WFDC3: variants seen among roughly 807,000 people sequenced by gnomAD.
WFDC3 encodes the protein WAP four-disulfide core domain 3.
In WFDC3, 15 loss-of-function variants were observed where a neutral mutation model predicts 25.8. The ratio of observed to expected loss-of-function variants is 0.58; its 90% CI spans 0.39 to 0.89. The LOEUF is 0.89. WFDC3 is among the 40% of genes least tolerant of loss of function. The pLI is 0.00. For missense variants in WFDC3, 264 were observed against 289.8 expected (o/e 0.91, Z 0.65); for synonymous variants, 103 against 107.1 (o/e 0.96, Z 0.24).
chr20:45,778,075 A>G (rs979126945), intron 4 of WFDC3, among the ~76,000 whole-genome samples: 1 of 152,170 alleles, frequency 6.6e-6, no homozygotes, highest in African/African-American at 2.4e-5. Context: ...GGACATTAGC[A>G]AATGTAATGT....
intron 6 of WFDC3, 117 bp from the exon 7 acceptor site, chr20:45,774,561 G>A: frequency 1.5e-6 from 2 of 1,353,590 alleles, no homozygotes; most frequent in South Asian, 1.2e-5. Flanking sequence ...GTCTTAAATA[G>A]CTCCTTGCTT....
Position 45,774,399 on chromosome 20 carries a change from C to T in WFDC3, c.*29G>A. On this transcript the variant is annotated 3_prime_UTR_variant, in exon 7 of 7. Coordinates refer to ENST00000243938, the MANE Select transcript of WFDC3 (RefSeq NM_080614.2). ...CTGCCAGGAAAAGCTTCCAGAATTA[C>T]CAAAGAAGCTCCAGACAAATCAGCA... 1 of 1,614,108 alleles carries T rather than the reference C, an allele frequency of 6.2e-7. No individual in the cohort carries two copies. Among genetic ancestry groups the T allele is most frequent in the Non-Finnish European group, 8.5e-7 (1 of 1,180,018 alleles).
chr20:45,787,581 A>G (rs1980742425), intron 4 of WFDC3, among the ~76,000 whole-genome samples: 1 of 151,916 alleles, frequency 6.6e-6, no homozygotes, highest in Admixed American at 6.6e-5. Flanking sequence ...ATGAGCCACC[A>G]CACCTGGCTA....
At position 45,790,495 on chromosome 20, in the gene WFDC3, C is replaced by T. The variant is rs184597899; in HGVS notation, c.-7-513G>A. ...TCAGAAACTATCAAATAGGCCAAGG[C>T]GGGCAGATCACCTGAGGTCAGGAGT... is the stretch of plus-strand genomic sequence containing the variant. On this transcript the variant is annotated intron_variant, in intron 1 of 6. Transcript: ENST00000243938. Among the ~76,000 whole-genome samples the T allele has an allele frequency of 3.3e-5, 5 of 152,296 alleles. 1 individual carries two copies. Among genetic ancestry groups the T allele is most frequent in the Admixed American group, 1.3e-4 (2 of 15,298 alleles).
At chr20:45,787,093 CAA>C (rs71181858) in intron 4 of WFDC3, among the ~76,000 whole-genome samples, 3 of 26,804 alleles carry the variant, frequency 1.1e-4, no homozygotes, top group African/African-American at 1.6e-4. Context: ...GACTCTCTCT[CAA>C]AAAAAAAAAA....
chr20:45,784,230 G>A (rs1172510989), intron 4 of WFDC3, among the ~76,000 whole-genome samples: 1 of 152,240 alleles, frequency 6.6e-6, no homozygotes, highest in African/African-American at 2.4e-5. Context: ...TCCTGGCAAG[G>A]AGAACAACCT....
chr20:45,783,948 G>A (rs1222879429), intron 4 of WFDC3, among the ~76,000 whole-genome samples: 2 of 152,116 alleles, frequency 1.3e-5, no homozygotes, highest in East Asian at 1.9e-4. Flanking sequence ...TAGGAACCCC[G>A]CTCAGCCCAG....
rs530929876 is a variant in WFDC3, at chr20:45,777,812, C to G, written c.359-603G>C. On this transcript the variant is annotated intron_variant, in intron 4 of 6. Coordinates refer to ENST00000243938, the MANE Select transcript of WFDC3 (RefSeq NM_080614.2). ...CCAGGATTACAGGCGTGAGCCCCCC[C>G]ACCCAGCCCACCCTGATATTTTATA... 4.3e-5 allele frequency among the ~76,000 whole-genome samples: 6 copies of G among 140,804 alleles called. No individual in the cohort carries two copies. The East Asian group carries it at 1.0e-3, about 23-fold the overall frequency. The allele number at this position is 140,804 out of a possible 152,430, so 92.4% of individuals were successfully genotyped here. A position where few individuals can be genotyped will look rare whatever the true frequency, so the allele number is the denominator to read the frequency against.
chr20:45,778,641 C>T (rs889234060), intron 4 of WFDC3: 1 of 152,124 alleles, frequency 6.6e-6, no homozygotes, highest in Admixed American at 6.6e-5. Flanking sequence ...GGCAGAGTAG[C>T]CTTCTTTCAA....
At chr20:45,789,399 G>T (rs541630429) in intron 2 of WFDC3, among the ~76,000 whole-genome samples, 2 of 151,046 alleles carry the variant, frequency 1.3e-5, no homozygotes, top group African/African-American at 2.4e-5. Flanking sequence ...CCAGCTACTC[G>T]GGAGGCTGAG....
chr20:45,787,778 T>C lies in WFDC3; in HGVS notation c.358+58A>G, dbSNP rs1339577439. 1.2e-5 allele frequency: 19 copies of C among 1,546,800 alleles called. No homozygotes were observed. In the Admixed American group the frequency reaches 2.1e-4, roughly 17 times the overall value. ...AACCAACAAGCTGATATGTGCATAT[T>C]TGAGAAATAAACAAGCAGACCAAAC... On this transcript the variant is annotated intron_variant, in intron 4 of 6. Coordinates refer to ENST00000243938, the MANE Select transcript of WFDC3 (RefSeq NM_080614.2).
intron 1 of WFDC3, among the ~76,000 whole-genome samples, chr20:45,791,543 C>T (rs1980992669): frequency 6.6e-6 from 1 of 152,108 alleles, no homozygotes; most frequent in African/African-American, 2.4e-5. Flanking sequence ...GTGATCCTCC[C>T]GCCTCGGCCT....
intron 1 of WFDC3, chr20:45,790,941 C>T (rs1213240921): frequency 4.2e-6 from 2 of 470,758 alleles, no homozygotes; most frequent in Non-Finnish European, 8.8e-6. Context: ...TCCTTTATTT[C>T]TTTTTTCTCC....
rs771401150 is a variant in WFDC3 at position 45,787,938 on chromosome 20, A to G, written c.256T>C (p.Leu86=). 6.2e-7 allele frequency: 1 copy of G among 1,614,024 alleles called. No individual in the cohort carries two copies. The highest frequency in any genetic ancestry group is 1.7e-5 in the Admixed American group (1 of 60,000). Residue 86 remains leucine (L), a synonymous_variant, in exon 4 of 7, where the codon TTG becomes CTG. Coordinates refer to ENST00000243938, the MANE Select transcript of WFDC3 (RefSeq NM_080614.2). The stretch of plus-strand genomic sequence containing the variant: ...GTCTCATCAGTGATGCACCTTTTCA[A>G]ACAGGATTGTTTCCGAATAACCCTA... ...CPRVIRKQSC[L]KRCITDETCP...
Position 45,775,621 on chromosome 20 carries a change from C to T in WFDC3, c.494-19G>A. On this transcript the variant is annotated intron_variant, in intron 5 of 6. Transcript: ENST00000243938. ...CCCCGCCCTGTGGGAACAACAGGCA[C>T]AGGAAAAGGGACAGGGCATCAGCTC... 6.2e-7 allele frequency: 1 copy of T among 1,613,518 alleles called. No homozygotes were observed. The highest frequency in any genetic ancestry group is 8.5e-7 in the Non-Finnish European group (1 of 1,179,608).
chr20:45,789,803 A>G (rs772202327), intron 2 of WFDC3, 91 bp downstream of exon 2: 3 of 1,175,366 alleles, frequency 2.6e-6, no homozygotes, highest in South Asian at 1.3e-5. Context: ...CTTACAAGCA[A>G]CCTTGCTCTG....
chr20:45,791,791 C>A (rs1981007262), intron 1 of WFDC3, 41 bp downstream of exon 1: 3 of 385,106 alleles, frequency 7.8e-6, no homozygotes, highest in African/African-American at 4.2e-5. Context: ...ACAATCGAGG[C>A]GCAGCCCTCC....
intron 4 of WFDC3, among the ~76,000 whole-genome samples, chr20:45,784,030 T>C (rs1423797690): frequency 6.6e-6 from 1 of 152,232 alleles, no homozygotes. Context: ...AAGGAAGCCC[T>C]ATCTGGGCTG....
chr20:45,790,321 A>G (rs1032651791), intron 1 of WFDC3, among the ~76,000 whole-genome samples: 4 of 152,246 alleles, frequency 2.6e-5, no homozygotes, highest in African/African-American at 9.6e-5. Flanking sequence ...CCTAAAGGGC[A>G]TTGGAAGGAC....
Sources: allele counts gnomAD v4.1 joint callset (sites outside exome capture counted in the v4.1 genomes callset), GRCh38; gene constraint gnomAD v4.1.1; transcripts MANE v1.5; gene names NCBI Gene and HGNC (gene_info 2026-07-23, HGNC 2026-07-21).